ECM2: variants seen among roughly 807,000 people sequenced by gnomAD.
The protein encoded by ECM2 is extracellular matrix protein 2, female organ and adipocyte specific.
ECM2 carries 57 observed loss-of-function variants against 67.5 expected under a neutral mutation model. The ratio of observed to expected loss-of-function variants is 0.84; its 90% CI spans 0.68 to 1.05. ECM2 has a LOEUF of 1.05. ECM2 is among the 50% of genes least tolerant of loss of function. The pLI, the probability that ECM2 is intolerant of heterozygous loss-of-function variation, is 0.00. For synonymous variants in ECM2, 258 were observed against 294.5 expected (o/e 0.88, Z 1.27); for missense variants, 741 against 822.8 (o/e 0.90, Z 1.22).
At chr9:92,523,946 C>T (rs1303636910) in intron 1 of ECM2, among the ~76,000 whole-genome samples, 1 of 152,188 alleles carries the variant, frequency 6.6e-6, no homozygotes, top group Non-Finnish European at 1.5e-5. Flanking sequence ...CTCCATAAGC[C>T]TTTTCCCCAA....
chr9:92,556,576 A>G, the ECM2 span, among the ~76,000 whole-genome samples: 1 of 152,204 alleles, frequency 6.6e-6, no homozygotes, highest in East Asian at 1.9e-4. Flanking sequence ...GCCTTTTACC[A>G]TTATATAATG....
At chr9:92,548,372 C>T in the ECM2 span, among the ~76,000 whole-genome samples, 463 of 152,260 alleles carry the variant, frequency 3.0e-3, 4 homozygotes, top group African/African-American at 0.01. Context: ...TATTTCAGCT[C>T]AGCAAAGGGA....
At chr9:92,517,479 G>T in intron 3 of ECM2, 1 of 659,960 alleles carries the variant, frequency 1.5e-6, no homozygotes, top group Non-Finnish European at 2.6e-6. Context: ...ATCTGATAGA[G>T]CTAGAACTAT....
intron 9 of ECM2, among the ~76,000 whole-genome samples, chr9:92,498,497 CTT>C (rs1308603862): frequency 6.6e-6 from 1 of 151,936 alleles, no homozygotes; most frequent in African/African-American, 2.4e-5. Context: ...TAAGACTTCT[CTT>C]AATTCAACTT....
chr9:92,538,307 A>G (rs551627691), upstream of ECM2, among the ~76,000 whole-genome samples: 7 of 152,320 alleles, frequency 4.6e-5, no homozygotes, highest in African/African-American at 1.7e-4. Context: ...GATTTTCAAA[A>G]CTGTACATGT....
chr9:92,549,701 C>T, the ECM2 span, among the ~76,000 whole-genome samples: 1 of 151,566 alleles, frequency 6.6e-6, no homozygotes, highest in African/African-American at 2.4e-5. Context: ...GAGAATTTTG[C>T]CAAAGGAATT....
At chr9:92,545,535 C>T in the ECM2 span, among the ~76,000 whole-genome samples, 11 of 80,648 alleles carry the variant, frequency 1.4e-4, no homozygotes, top group East Asian at 3.4e-3. Context: ...CCTCCCGCCC[C>T]GCCGGGCCCC....
chr9:92,497,232 T>C (rs962247049), intron 9 of ECM2, among the ~76,000 whole-genome samples: 5 of 152,200 alleles, frequency 3.3e-5, no homozygotes, highest in Non-Finnish European at 7.3e-5. Context: ...ACGGAACTGA[T>C]TGAATAAAAT....
intron 5 of ECM2, among the ~76,000 whole-genome samples, chr9:92,510,596 T>C (rs1047011200): frequency 6.6e-6 from 1 of 152,226 alleles, no homozygotes; most frequent in African/African-American, 2.4e-5. Flanking sequence ...GAAAAGTGTC[T>C]TTTTCACATT....
the ECM2 span, among the ~76,000 whole-genome samples, chr9:92,550,395 C>A: frequency 1.6e-4 from 24 of 145,834 alleles, no homozygotes; most frequent in African/African-American, 2.7e-4. Flanking sequence ...GACTCTGTCT[C>A]AAAAAAAAAA....
chr9:92,514,819 T>G lies in ECM2; in HGVS notation c.866A>C (p.Glu289Ala), dbSNP rs780910350. Residue 289 changes from glutamate to alanine, a missense_variant, in exon 4 of 10, where the codon GAG becomes GCG. Coordinates refer to ENST00000344604, the MANE Select transcript of ECM2 (RefSeq NM_001393.4). The part of the protein sequence containing the change: ...GEEGEEDEED[E>A]EDPVRGDMFR... ...CATATCTCCTCTTACCGGGTCCTCC[T>G]CGTCCTCCTCATCCTCCTCACCCTC... 4 of 1,613,314 alleles carry G rather than the reference T, an allele frequency of 2.5e-6. No individual in the cohort carries two copies. The South Asian group carries it at 4.4e-5, about 18-fold the overall frequency.
chr9:92,558,836 C>T, the ECM2 span, among the ~76,000 whole-genome samples: 1 of 151,954 alleles, frequency 6.6e-6, no homozygotes, highest in South Asian at 2.1e-4. Context: ...GGGTGAGATT[C>T]CCAGGTCACT....
the ECM2 span, among the ~76,000 whole-genome samples, chr9:92,553,922 G>T: frequency 4.5e-3 from 687 of 152,210 alleles, 4 homozygotes; most frequent in African/African-American, 0.014. Flanking sequence ...TTGCCTGATT[G>T]CTCTGGCTAG....
intron 2 of ECM2, among the ~76,000 whole-genome samples, chr9:92,518,246 T>TC (rs1435686813): frequency 1.3e-5 from 2 of 152,256 alleles, no homozygotes; most frequent in Non-Finnish European, 2.9e-5. Context: ...GCTCAGCTCA[T>TC]CATATTCACT....
At chr9:92,510,071 G>T in intron 5 of ECM2, 37 bp from the exon 6 acceptor site, 1 of 1,572,372 alleles carries the variant, frequency 6.4e-7, no homozygotes, top group Non-Finnish European at 8.6e-7. Flanking sequence ...TTTTTATCTA[G>T]TCACAGCTGT....
At chr9:92,558,460 G>A in the ECM2 span, among the ~76,000 whole-genome samples, 1 of 152,140 alleles carries the variant, frequency 6.6e-6, no homozygotes, top group African/African-American at 2.4e-5. Context: ...GCTGGTACTG[G>A]GGTTGTCTGT....
intron 7 of ECM2, among the ~76,000 whole-genome samples, chr9:92,505,233 C>T (rs904572235): frequency 1.1e-4 from 17 of 152,164 alleles, no homozygotes; most frequent in African/African-American, 3.9e-4. Flanking sequence ...TCTTGAGAGT[C>T]AGAGTACCTC....
intron 9 of ECM2, among the ~76,000 whole-genome samples, 170 bp from the exon 10 acceptor site, chr9:92,496,653 T>TA (rs1156849957): frequency 6.6e-6 from 1 of 152,196 alleles, no homozygotes; most frequent in Non-Finnish European, 1.5e-5. Flanking sequence ...GATGAAGCCA[T>TA]AGAAGCACTA....
At chr9:92,551,946 T>TG in the ECM2 span, among the ~76,000 whole-genome samples, 395 of 122,638 alleles carry the variant, frequency 3.2e-3, 53 homozygotes, top group African/African-American at 0.013. Flanking sequence ...TATATATATA[T>TG]ATATATGATA....
Sources: gnomAD v4.1 joint callset for allele counts (sites outside exome capture counted in the v4.1 genomes callset) on GRCh38, gnomAD v4.1.1 for gene constraint, MANE v1.5 for transcripts, NCBI Gene and HGNC (gene_info 2026-07-23, HGNC 2026-07-21) for gene names.